Variants in SLC13A3 observed in about 807,000 individuals in gnomAD.
SLC13A3 encodes solute carrier family 13 member 3.
In SLC13A3, 40 loss-of-function variants were observed where a neutral mutation model predicts 59.0. The ratio of observed to expected loss-of-function variants is 0.68; its 90% confidence interval spans 0.53 to 0.88. The LOEUF (loss-of-function observed/expected upper bound fraction) is 0.88. SLC13A3 is among the 40% of genes least tolerant of loss of function. The pLI is 0.00. For missense variants in SLC13A3, 699 were observed against 783.2 expected (o/e 0.89, Z 1.28); for synonymous variants, 317 against 330.3 (o/e 0.96, Z 0.44).
intron 1 of SLC13A3, among the ~76,000 whole-genome samples, chr20:46,637,078 C>T (rs971413015): frequency 1.3e-5 from 2 of 152,124 alleles, no homozygotes; most frequent in African/African-American, 2.4e-5. Flanking sequence ...GGATTACAGG[C>T]GTGAGCCACC....
At position 46,668,664 on chromosome 20, in the gene SLC13A3, C is replaced by G. The variant is rs117003901; in HGVS notation, c.-31+1379G>C. 7.9e-4 allele frequency among the ~76,000 whole-genome samples: 120 copies of G among 152,320 alleles called. 1 individual carries two copies. The East Asian group carries it at 0.02, about 25-fold the overall frequency. ...TGATGAAGATGACTACACTGAACAA[C>G]AGATTTTCAACATAGATGAAATACT... On this transcript the variant is annotated intron_variant, in intron 1 of 12. Coordinates refer to the SLC13A3 transcript ENST00000290317.
intron 9 of SLC13A3, among the ~76,000 whole-genome samples, chr20:46,578,508 T>C (rs895116732): frequency 1.3e-5 from 2 of 151,746 alleles, no homozygotes; most frequent in African/African-American, 4.8e-5. Context: ...AAACCCCATC[T>C]CTACTGAAAA....
At chr20:46,659,929 G>T (rs976035082) in intron 1 of SLC13A3, among the ~76,000 whole-genome samples, 1 of 152,206 alleles carries the variant, frequency 6.6e-6, no homozygotes, top group East Asian at 1.9e-4. Context: ...TTGTGAGCCA[G>T]CTGTAGAACT....
chr20:46,636,463 A>G (rs1371227515), intron 1 of SLC13A3, among the ~76,000 whole-genome samples: 2 of 152,240 alleles, frequency 1.3e-5, no homozygotes, highest in Non-Finnish European at 2.9e-5. Context: ...CTGAGGAAAT[A>G]TCCCTTTTGA....
rs902050590 is a variant in SLC13A3, at chr20:46,650,724, C to T, written c.111+587G>A. ...CCCAGTAAGTGTTCATTGTGACTGT[C>T]GCGTGAAATGTGCAATACAGCACCA... On this transcript the variant is annotated intron_variant, in intron 1 of 12. Coordinates refer to ENST00000279027, the MANE Select transcript of SLC13A3 (RefSeq NM_022829.6). Among the ~76,000 whole-genome samples, 3 of 152,100 alleles carry T rather than the reference C, an allele frequency of 2.0e-5. No homozygotes were observed. In the East Asian group the frequency reaches 5.8e-4, roughly 29 times the overall value.
rs1438818992 is a variant in SLC13A3, at chr20:46,599,982, G to T, written c.597C>A (p.Ala199=). 4.4e-6 allele frequency: 7 copies of T among 1,573,756 alleles called. No individual in the cohort carries two copies. The highest frequency in any genetic ancestry group is 5.2e-6 in the Non-Finnish European group (6 of 1,152,004). The part of the protein sequence containing the change: ...HTVPTEMQFL[A]STEAKDHPGE... ...CACCAGTAACTTACGCTTCTGTGCTGGCGAGAAACTGCATCTCCGTGGGCA... is the reference window on the plus strand; with the variant it reads ...CACCAGTAACTTACGCTTCTGTGCTTGCGAGAAACTGCATCTCCGTGGGCA... The change falls in exon 4 of 13, where the codon GCC becomes GCA. Residue 199 remains alanine (A), a synonymous_variant. Transcript: ENST00000279027.
chr20:46,677,152 G>T (rs192270782), intron 1 of SLC13A3, among the ~76,000 whole-genome samples: 8 of 152,256 alleles, frequency 5.3e-5, no homozygotes, highest in African/African-American at 1.9e-4. Context: ...GACCTCAGGT[G>T]ATCCGCCCAC....
At chr20:46,657,465 C>T (rs1198024122) in intron 1 of SLC13A3, among the ~76,000 whole-genome samples, 2 of 151,622 alleles carry the variant, frequency 1.3e-5, no homozygotes, top group Non-Finnish European at 2.9e-5. Context: ...TACTGTATTA[C>T]GAGATTTTGG....
At chr20:46,653,824 G>A (rs925351495), upstream of SLC13A3, among the ~76,000 whole-genome samples, 10 of 151,894 alleles carry the variant, frequency 6.6e-5, no homozygotes, top group Non-Finnish European at 2.9e-5. Flanking sequence ...ATACTATATC[G>A]TGTTTATCCA....
At position 46,622,337 on chromosome 20, in the gene SLC13A3, GT is replaced by G. The variant is rs532400573; in HGVS notation, c.112-8613del. On this transcript the variant is annotated intron_variant, in intron 1 of 12. Transcript: ENST00000279027. Reference sequence around the variant, plus strand: ...ATAACTACAATGGGATCAACATGTGGTTCTCAGTAAGCTAGGGACACCTAGG... The same window carrying G: ...ATAACTACAATGGGATCAACATGTGGTCTCAGTAAGCTAGGGACACCTAGG... Among the ~76,000 whole-genome samples the G allele has an allele frequency of 3.8e-3, 580 of 152,290 alleles. 2 individuals carry two copies. Among genetic ancestry groups the G allele is most frequent in the African/African-American group, 0.014 (566 of 41,570 alleles).
At chr20:46,622,895 T>C (rs1488666855) in intron 1 of SLC13A3, among the ~76,000 whole-genome samples, 2 of 152,134 alleles carry the variant, frequency 1.3e-5, no homozygotes, top group African/African-American at 4.8e-5. Context: ...AAACATACCT[T>C]TCTCAACTAT....
intron 1 of SLC13A3, among the ~76,000 whole-genome samples, chr20:46,619,103 T>G (rs1198398545): frequency 6.6e-6 from 1 of 152,224 alleles, no homozygotes; most frequent in African/African-American, 2.4e-5. Context: ...AATTGTTGTC[T>G]CAGGGTCCTT....
At chr20:46,622,513 A>G (rs546360921) in intron 1 of SLC13A3, among the ~76,000 whole-genome samples, 1 of 152,156 alleles carries the variant, frequency 6.6e-6, no homozygotes, top group Non-Finnish European at 1.5e-5. Flanking sequence ...GCACTTGAGC[A>G]TTTATTTGCC....
upstream of SLC13A3, among the ~76,000 whole-genome samples, chr20:46,656,384 C>T (rs1936665940): frequency 3.5e-5 from 1 of 28,430 alleles, no homozygotes; most frequent in Non-Finnish European, 6.8e-5. Context: ...ATATATTATA[C>T]TGTATATGAT....
chr20:46,628,445 T>C (rs1173698753), intron 1 of SLC13A3, among the ~76,000 whole-genome samples: 2 of 152,048 alleles, frequency 1.3e-5, no homozygotes, highest in African/African-American at 4.8e-5. Flanking sequence ...CTAAAATCTC[T>C]AGGGTTGAAG....
intron 4 of SLC13A3, among the ~76,000 whole-genome samples, chr20:46,597,926 T>C (rs2062331425): frequency 1.3e-5 from 2 of 152,352 alleles, no homozygotes; most frequent in East Asian, 1.9e-4. Flanking sequence ...CTGATAGATA[T>C]GTTAATGAGC....
chr20:46,640,282 C>G (rs933765534), intron 1 of SLC13A3, among the ~76,000 whole-genome samples: 1 of 152,108 alleles, frequency 6.6e-6, no homozygotes, highest in Non-Finnish European at 1.5e-5. Context: ...CCTCTCTCTG[C>G]GCAGAGGGCT....
At chr20:46,603,437 CGA>C (rs2062400887) in intron 3 of SLC13A3, among the ~76,000 whole-genome samples, 2 of 151,982 alleles carry the variant, frequency 1.3e-5, no homozygotes, top group Middle Eastern at 3.4e-3. Context: ...GGCAGTGGCA[CGA>C]TCACAGCTCA....
chr20:46,642,266 G>A (rs2062852481), intron 1 of SLC13A3, among the ~76,000 whole-genome samples: 2 of 152,234 alleles, frequency 1.3e-5, no homozygotes, highest in Admixed American at 1.3e-4. Flanking sequence ...CAGGTGGGCA[G>A]GAGCTGGATG....
Sources: allele counts gnomAD v4.1 joint callset (sites outside exome capture counted in the v4.1 genomes callset), GRCh38; gene constraint gnomAD v4.1.1; transcripts MANE v1.5; gene names NCBI Gene and HGNC (gene_info 2026-07-23, HGNC 2026-07-21).